Variants in NCEH1 observed in about 807,000 individuals in gnomAD.
NCEH1 encodes the protein neutral cholesterol ester hydrolase 1, also known as 2-acetyl MAGE hydrolase.
In NCEH1, 9 loss-of-function variants were observed where a neutral mutation model predicts 25.4. The observed-to-expected ratio is 0.35, with a 90% CI of 0.21 to 0.62. The LOEUF is 0.62. Ranked by LOEUF, NCEH1 falls within the 20% of genes least tolerant of loss-of-function variation. The pLI, the probability that NCEH1 is intolerant of heterozygous loss-of-function variation, is 0.72. For missense variants in NCEH1, 412 were observed against 501.1 expected (o/e 0.82, Z 1.70); for synonymous variants, 200 against 199.8 (o/e 1.00, Z -0.01).
At chr3:172,645,147 A>G (rs1717057565) in intron 3 of NCEH1, among the ~76,000 whole-genome samples, 1 of 152,142 alleles carries the variant, frequency 6.6e-6, no homozygotes, top group African/African-American at 2.4e-5. Flanking sequence ...GAACTGACAG[A>G]GACAACCCAA....
intron 1 of NCEH1, among the ~76,000 whole-genome samples, chr3:172,675,145 A>G (rs936597960): frequency 1.3e-5 from 2 of 152,156 alleles, no homozygotes; most frequent in South Asian, 4.1e-4. Flanking sequence ...CCCCAGCTCT[A>G]CCAAAAATAT....
At chr3:172,709,610 A>G (rs1197707089) in intron 1 of NCEH1, among the ~76,000 whole-genome samples, 1 of 152,168 alleles carries the variant, frequency 6.6e-6, no homozygotes, top group Non-Finnish European at 1.5e-5. Flanking sequence ...AATTCAGGAA[A>G]AGCAAATCCA....
intron 1 of NCEH1, among the ~76,000 whole-genome samples, chr3:172,677,384 A>G (rs568961302): frequency 2.2e-4 from 34 of 152,382 alleles, no homozygotes; most frequent in African/African-American, 7.9e-4. Context: ...TAATAAATTA[A>G]GTACCCTTTT....
intron 1 of NCEH1, among the ~76,000 whole-genome samples, chr3:172,669,956 C>A (rs1195305385): frequency 6.6e-6 from 1 of 152,142 alleles, no homozygotes; most frequent in Non-Finnish European, 1.5e-5. Flanking sequence ...TACCAATGAA[C>A]AGGAACTTTT....
chr3:172,638,203 T>G (rs933369694), intron 3 of NCEH1, among the ~76,000 whole-genome samples: 7 of 131,184 alleles, frequency 5.3e-5, no homozygotes, highest in African/African-American at 2.1e-4. Context: ...ACTCCCTTAG[T>G]GGAGGCGGAG....
At chr3:172,684,815 T>C (rs1408262669) in intron 1 of NCEH1, among the ~76,000 whole-genome samples, 3 of 151,976 alleles carry the variant, frequency 2.0e-5, no homozygotes, top group Admixed American at 6.6e-5. Context: ...ACCTCATTTC[T>C]ACTAAAAATG....
chr3:172,645,596 T>C, intron 3 of NCEH1, 27 bp downstream of exon 3: 1 of 1,475,142 alleles, frequency 6.8e-7, no homozygotes, highest in South Asian at 1.2e-5. Flanking sequence ...TAAGAAAAAT[T>C]TTCTATGACT....
chr3:172,649,589 A>C (rs1045578946), intron 1 of NCEH1, among the ~76,000 whole-genome samples: 7 of 152,364 alleles, frequency 4.6e-5, no homozygotes, highest in African/African-American at 1.7e-4. Flanking sequence ...CTAACTATCA[A>C]CTTAAGTTCT....
intron 1 of NCEH1, chr3:172,681,124 G>A (rs1253762104): frequency 6.6e-6 from 1 of 152,090 alleles, no homozygotes; most frequent in East Asian, 1.9e-4. Flanking sequence ...AGGTACCGGG[G>A]GAGAAGGAGG....
At chr3:172,650,273 C>G (rs1012938472) in intron 1 of NCEH1, among the ~76,000 whole-genome samples, 1 of 152,010 alleles carries the variant, frequency 6.6e-6, no homozygotes, top group African/African-American at 2.4e-5. Flanking sequence ...GAGGCCAAGG[C>G]AGGCAGATCA....
intron 1 of NCEH1, among the ~76,000 whole-genome samples, chr3:172,709,636 G>A (rs10936731): frequency 0.83 from 126,889 of 152,156 alleles, 53,320 homozygotes; most frequent in East Asian, 1. Flanking sequence ...GGAATGTGCT[G>A]CAATATCCTA....
At chr3:172,681,089 G>C (rs1712347447) in intron 1 of NCEH1, 1 of 151,584 alleles carries the variant, frequency 6.6e-6, no homozygotes, top group Admixed American at 6.6e-5. Context: ...ATGAACCATA[G>C]AGGCTCAGGG....
chr3:172,663,754 G>C (rs545974927), intron 1 of NCEH1, among the ~76,000 whole-genome samples: 8 of 151,984 alleles, frequency 5.3e-5, no homozygotes, highest in Non-Finnish European at 1.0e-4. Context: ...TTGGTTTAAA[G>C]TCTCTTTTAT....
intron 1 of NCEH1, among the ~76,000 whole-genome samples, chr3:172,652,878 T>A (rs997140626): frequency 1.6e-4 from 24 of 151,992 alleles, no homozygotes; most frequent in Non-Finnish European, 3.1e-4. Context: ...GTATTTTTTT[T>A]TTTTTTAGTA....
chr3:172,703,833 C>T (rs1713834119), intron 1 of NCEH1, among the ~76,000 whole-genome samples: 1 of 152,204 alleles, frequency 6.6e-6, no homozygotes, highest in Non-Finnish European at 1.5e-5. Flanking sequence ...TAGGTACTAT[C>T]TGCAGAGACC....
At chr3:172,700,173 T>C (rs1300204579) in intron 1 of NCEH1, among the ~76,000 whole-genome samples, 1 of 152,212 alleles carries the variant, frequency 6.6e-6, no homozygotes, top group African/African-American at 2.4e-5. Context: ...GTTGAATAAT[T>C]GGCATCAGAG....
chr3:172,654,732 G>A (rs1396424180), intron 1 of NCEH1, among the ~76,000 whole-genome samples: 2 of 152,176 alleles, frequency 1.3e-5, no homozygotes, highest in East Asian at 3.8e-4. Flanking sequence ...TTAAAGCATC[G>A]ATTCTAACTC....
In NCEH1 at chr3:172,665,616, C is replaced by T. The variant is rs185417018; in HGVS notation, c.139-17502G>A. 4.9e-4 allele frequency among the ~76,000 whole-genome samples: 74 copies of T among 152,258 alleles called. No individual in the cohort carries two copies. In the East Asian group the frequency reaches 0.013, roughly 27 times the overall value. On this transcript the variant is annotated intron_variant, in intron 1 of 4. Coordinates refer to ENST00000475381, the MANE Select transcript of NCEH1 (RefSeq NM_020792.6). ...GGAGTCTACAGAGGCAGGCAGGCCT[C>T]GTTGAGCTGTGGTGGGCTCCACCCA...
At chr3:172,683,559 G>T (rs2108522805) in intron 1 of NCEH1, among the ~76,000 whole-genome samples, 1 of 152,224 alleles carries the variant, frequency 6.6e-6, no homozygotes, top group South Asian at 2.1e-4. Flanking sequence ...CACACCCATA[G>T]TCCCAGCTAC....
Sources: allele counts gnomAD v4.1 joint callset (sites outside exome capture counted in the v4.1 genomes callset), GRCh38; gene constraint gnomAD v4.1.1; transcripts MANE v1.5; gene names NCBI Gene and HGNC (gene_info 2026-07-23, HGNC 2026-07-21).